AMBRA1: variants seen among roughly 807,000 people sequenced by gnomAD.
The protein encoded by AMBRA1 is activating molecule in BECN1-regulated autophagy protein 1.
Under a neutral mutation model 125.4 loss-of-function variants are expected in AMBRA1, and 47 were observed. The ratio of observed to expected loss-of-function variants is 0.37; its 90% CI spans 0.30 to 0.48. AMBRA1 has a LOEUF of 0.48. Ranked by LOEUF, AMBRA1 falls within the 20% of genes least tolerant of loss-of-function variation. The pLI is 0.99. For missense variants in AMBRA1, 1,331 were observed against 1,693.4 expected (o/e 0.79, Z 3.76); for synonymous variants, 626 against 655.5 (o/e 0.95, Z 0.69).
At chr11:46,461,353 C>A (rs533886114) in intron 11 of AMBRA1, among the ~76,000 whole-genome samples, 29 of 152,228 alleles carry the variant, frequency 1.9e-4, no homozygotes, top group African/African-American at 7.0e-4. Context: ...TGTGGAAGCA[C>A]AAATGCATGT....
intron 14 of AMBRA1, among the ~76,000 whole-genome samples, chr11:46,430,994 C>CA (rs1347998560): frequency 1.3e-5 from 2 of 152,148 alleles, no homozygotes; most frequent in African/African-American, 4.8e-5. Context: ...CACAGCTATC[C>CA]AAAAAAGCTG....
At chr11:46,558,560 A>C (rs922463857) in intron 1 of AMBRA1, among the ~76,000 whole-genome samples, 4 of 147,790 alleles carry the variant, frequency 2.7e-5, no homozygotes, top group African/African-American at 5.2e-5. Flanking sequence ...AAAAAAAAAA[A>C]AAAAAAAAAA....
rs56374939 is a variant in AMBRA1 at position 46,459,739 on chromosome 11, T to TACACACAC, written c.2522-16149_2522-16142dup. Reference sequence around the variant, plus strand: ...CCCAAAAAGAAAAAAAAAATACACATACACACACACACACACACACACACA... The same window carrying TACACACAC: ...CCCAAAAAGAAAAAAAAAATACACATACACACACACACACACACACACACACACACACA... On this transcript the variant is annotated intron_variant, in intron 11 of 17. Coordinates refer to ENST00000683756, the MANE Select transcript of AMBRA1 (RefSeq NM_001387011.1). Among the ~76,000 whole-genome samples, 161 of 110,312 alleles carry TACACACAC rather than the reference T, an allele frequency of 1.5e-3. 4 individuals are homozygous for TACACACAC. The highest frequency in any genetic ancestry group is 4.8e-3 in the Middle Eastern group (1 of 210). 72.4% of individuals were successfully genotyped at this position (110,312 alleles called of 152,430 possible).
chr11:46,580,823 G>A (rs1023408363), intron 1 of AMBRA1, among the ~76,000 whole-genome samples: 11 of 152,096 alleles, frequency 7.2e-5, no homozygotes, highest in Admixed American at 3.9e-4. Context: ...ACAGAGCCTT[G>A]CTCTGTCACC....
At chr11:46,449,885 C>A (rs1353652854) in intron 11 of AMBRA1, among the ~76,000 whole-genome samples, 1 of 152,078 alleles carries the variant, frequency 6.6e-6, no homozygotes, top group African/African-American at 2.4e-5. Context: ...ATAGTGAAAT[C>A]CCATCTCTAC....
intron 11 of AMBRA1, among the ~76,000 whole-genome samples, chr11:46,471,395 G>T (rs1490225976): frequency 6.6e-6 from 1 of 151,858 alleles, no homozygotes; most frequent in Non-Finnish European, 1.5e-5. Context: ...TAGCTAACAC[G>T]GTGAAACCCC....
chr11:46,567,520 C>A (rs1445361254), intron 1 of AMBRA1, among the ~76,000 whole-genome samples: 2 of 152,088 alleles, frequency 1.3e-5, no homozygotes, highest in East Asian at 3.9e-4. Context: ...CAGGCACCAC[C>A]ACATTAATTT....
At chr11:46,418,459 G>C (rs539003789) in intron 14 of AMBRA1, among the ~76,000 whole-genome samples, 1 of 150,554 alleles carries the variant, frequency 6.6e-6, no homozygotes, top group South Asian at 2.1e-4. Flanking sequence ...GTGCAGGTTT[G>C]TTACATATGT....
chr11:46,409,970 TG>T lies in AMBRA1; in HGVS notation c.3209+305del, dbSNP rs917489433. On this transcript the variant is annotated intron_variant, in intron 16 of 17. Transcript: ENST00000683756. The stretch of plus-strand genomic sequence containing the variant: ...AGCCTGGGCCATGGAGCAGACTTCA[TG>T]GGGCGGCATCCTTCTCCAGGCCCTA... Among the ~76,000 whole-genome samples the T allele has an allele frequency of 2.6e-5, 4 of 152,188 alleles. 1 individual carries two copies. Among genetic ancestry groups the T allele is most frequent in the Non-Finnish European group, 5.9e-5 (4 of 68,032 alleles).
chr11:46,593,232 G>GT (rs2044670929), intron 1 of AMBRA1, among the ~76,000 whole-genome samples: 1 of 152,182 alleles, frequency 6.6e-6, no homozygotes, highest in African/African-American at 2.4e-5. Flanking sequence ...AACTTGACTG[G>GT]TAAGTGGGGG....
intron 14 of AMBRA1, among the ~76,000 whole-genome samples, chr11:46,419,250 A>T (rs1205334301): frequency 6.6e-6 from 1 of 152,212 alleles, no homozygotes; most frequent in African/African-American, 2.4e-5. Flanking sequence ...GGCTGAAGGT[A>T]AACTATGGCC....
intron 7 of AMBRA1, among the ~76,000 whole-genome samples, chr11:46,532,774 A>G (rs1952276748): frequency 6.6e-6 from 1 of 152,260 alleles, no homozygotes. Context: ...AATAATGTTC[A>G]GTTAAATAAA....
At chr11:46,498,113 A>T (rs1950705227) in intron 9 of AMBRA1, among the ~76,000 whole-genome samples, 1 of 152,234 alleles carries the variant, frequency 6.6e-6, no homozygotes, top group African/African-American at 2.4e-5. Context: ...GCAGAGGCTG[A>T]ATATGAGTGA....
In AMBRA1 at chr11:46,545,604, C is replaced by T. The variant is rs1297367927; in HGVS notation, c.551G>A (p.Arg184His). The T allele has an allele frequency of 2.5e-6, 4 of 1,613,494 alleles. No homozygotes were observed. Among genetic ancestry groups the T allele is most frequent in the Non-Finnish European group, 3.4e-6 (4 of 1,179,778 alleles). The change falls in exon 5 of 18, where the codon CGT becomes CAT. Residue 184 changes from arginine to histidine, a missense_variant and splice_region_variant. Coordinates refer to ENST00000683756, the MANE Select transcript of AMBRA1 (RefSeq NM_001387011.1). ...VKTASEMERV[R>H]LVRFDPLGHY... Reference sequence around the variant, plus strand: ...AATGCAGATGGGGCAGCGCACTCACCGGACCCGTTCCATCTCACTAGCTGT... The same window carrying T: ...AATGCAGATGGGGCAGCGCACTCACTGGACCCGTTCCATCTCACTAGCTGT...
chr11:46,469,952 A>G (rs1285654058), intron 11 of AMBRA1, among the ~76,000 whole-genome samples: 2 of 151,302 alleles, frequency 1.3e-5, no homozygotes, highest in Non-Finnish European at 2.9e-5. Context: ...TGCTGGCATT[A>G]CAGGAATGAG....
intron 7 of AMBRA1, among the ~76,000 whole-genome samples, chr11:46,524,723 C>T (rs1352588777): frequency 1.3e-5 from 2 of 152,200 alleles, no homozygotes; most frequent in Non-Finnish European, 2.9e-5. Flanking sequence ...CCTTAGATTA[C>T]AGCTCCCAAA....
chr11:46,438,094 C>T (rs1309539500), intron 12 of AMBRA1, among the ~76,000 whole-genome samples: 1 of 152,130 alleles, frequency 6.6e-6, no homozygotes, highest in Non-Finnish European at 1.5e-5. Flanking sequence ...CTGGGAGATG[C>T]ATCTCCAGCA....
At chr11:46,573,067 C>T (rs1170732716) in intron 1 of AMBRA1, among the ~76,000 whole-genome samples, 8 of 148,632 alleles carry the variant, frequency 5.4e-5, no homozygotes, top group Non-Finnish European at 8.9e-5. Context: ...CGCCATTGCA[C>T]TCTAGCCTGG....
At chr11:46,420,389 G>A (rs1946795179) in intron 14 of AMBRA1, among the ~76,000 whole-genome samples, 1 of 152,182 alleles carries the variant, frequency 6.6e-6, no homozygotes, top group Admixed American at 6.5e-5. Flanking sequence ...ATTCATGGCT[G>A]CTATTCTCAC....
Sources: allele counts gnomAD v4.1 joint callset (sites outside exome capture counted in the v4.1 genomes callset), GRCh38; gene constraint gnomAD v4.1.1; transcripts MANE v1.5; gene names NCBI Gene and HGNC (gene_info 2026-07-23, HGNC 2026-07-21).